MIOX: variants seen among roughly 807,000 people sequenced by gnomAD.
MIOX encodes the protein myo-inositol oxygenase, also known as inositol oxygenase.
Under a neutral mutation model 42.7 loss-of-function variants are expected in MIOX, and 51 were observed. The observed-to-expected ratio is 1.19, with a 90% CI of 0.95 to 1.51. MIOX has a LOEUF of 1.51. Ranked by LOEUF, MIOX falls within the 40% of genes most tolerant of loss-of-function variation. The pLI, the probability that MIOX is intolerant of heterozygous loss-of-function variation, is 0.00. For missense variants in MIOX, 395 were observed against 381.3 expected, an observed-to-expected ratio of 1.04 and a Z score of -0.30; for synonymous variants, 168 against 154.4, an observed-to-expected ratio of 1.09 and a Z score of -0.65.
Position 50,489,840 on chromosome 22 carries a change from G to C in MIOX, c.842G>C (p.Gly281Ala). ...YQGLIDKYCP[G>A]ILSW ...GGGCTCATTGACAAGTACTGCCCTG[G>C]CATCCTGAGCTGGTGACCCTCCTGC... is the stretch of plus-strand genomic sequence containing the variant. The change falls in exon 10 of 10, where the codon GGC (glycine) becomes GCC (alanine). Residue 281 changes from glycine (G) to alanine (A), a missense_variant. Coordinates refer to ENST00000216075, the MANE Select transcript of MIOX (RefSeq NM_017584.6). 3 of 1,610,430 alleles carry C rather than the reference G, an allele frequency of 1.9e-6. No homozygotes were observed. Among genetic ancestry groups the C allele is most frequent in the Non-Finnish European group, 2.5e-6 (3 of 1,179,858 alleles).
At position 50,489,928 on chromosome 22, in the gene MIOX, G is replaced by A; in HGVS notation, c.*72G>A. 3 of 1,425,248 alleles carry A rather than the reference G, an allele frequency of 2.1e-6. No homozygotes were observed. Among genetic ancestry groups the A allele is most frequent in the Non-Finnish European group, 2.9e-6 (3 of 1,023,932 alleles). 88.3% of individuals were successfully genotyped at this position (1,425,248 alleles called of 1,614,324 possible). A position where few individuals can be genotyped will look rare whatever the true frequency, so the allele number is the denominator to read the frequency against. On this transcript the variant is annotated 3_prime_UTR_variant, in exon 10 of 10. Coordinates refer to ENST00000216075, the MANE Select transcript of MIOX (RefSeq NM_017584.6). ...CCTGCCTGGAGAGGCCTGGCCCTGG[G>A]CAAACAGCCGCCATCAGGGTTCACC...
In MIOX at chr22:50,487,389, C is replaced by G. The variant is rs1261570952; in HGVS notation, c.20C>G (p.Pro7Arg). 1.2e-6 allele frequency: 2 copies of G among 1,613,090 alleles called. No homozygotes were observed. The highest frequency in any genetic ancestry group is 2.7e-5 in the African/African-American group (2 of 74,888). Reference sequence around the variant, plus strand: ...TTCAATCCTCCACCTACCCAGGGCCCAGACCCTTCCCTGGTCTACCGACCT... The same window carrying G: ...TTCAATCCTCCACCTACCCAGGGCCGAGACCCTTCCCTGGTCTACCGACCT... MKVTVGPDPSLVYRPDV... is the reference protein window; with the variant it reads MKVTVGRDPSLVYRPDV... The change falls in exon 2 of 10, where the codon CCA becomes CGA. Residue 7 changes from proline to arginine, a missense_variant. Physicochemically the swap from Pro to Arg is moderately radical, Grantham distance 103. Coordinates refer to ENST00000216075, the MANE Select transcript of MIOX (RefSeq NM_017584.6).
Position 50,488,358 on chromosome 22 carries a change from G to A in MIOX, c.408+16G>A. ...GGAGCCCCAGGTAAGAGTTGGAAGT[G>A]GAGGGTGAGGAGGCTGCATGTTGAG... On this transcript the variant is annotated intron_variant, in intron 5 of 9. Transcript: ENST00000216075. The A allele has an allele frequency of 6.4e-7, 1 of 1,573,602 alleles. No individual in the cohort carries two copies. Among genetic ancestry groups the A allele is most frequent in the Non-Finnish European group, 8.6e-7 (1 of 1,156,880 alleles).
At chr22:50,488,748 G>GCCTGTC (rs2068311598) in intron 5 of MIOX, among the ~76,000 whole-genome samples, 1 of 71,804 alleles carries the variant, frequency 1.4e-5, no homozygotes, top group African/African-American at 5.8e-5. Flanking sequence ...CCCCATGGCT[G>GCCTGTC]CCTGTCCCTC....
In MIOX at chr22:50,489,733, C is replaced by G; in HGVS notation, c.750-15C>G. 5.6e-6 allele frequency: 9 copies of G among 1,611,082 alleles called. No individual in the cohort carries two copies. Among genetic ancestry groups the G allele is most frequent in the Non-Finnish European group, 7.6e-6 (9 of 1,179,706 alleles). ...GGGGGTTCTTCACGGGGCTCACCGC[C>G]CCTCCCTGCTGCAGCAAGTTCGACC... On this transcript the variant is annotated splice_polypyrimidine_tract_variant and intron_variant, in intron 9 of 9. Transcript: ENST00000216075.
intron 4 of MIOX, 76 bp downstream of exon 4, chr22:50,488,124 G>T: frequency 6.3e-7 from 1 of 1,597,600 alleles, no homozygotes; most frequent in East Asian, 2.3e-5. Flanking sequence ...AGGGTGGGAG[G>T]GGACAGTAGT....
Position 50,488,340 on chromosome 22 carries a change from C to G in MIOX, c.406C>G (p.Gln136Glu). 1 of 1,598,656 alleles carries G rather than the reference C, an allele frequency of 6.3e-7. No homozygotes were observed. Among genetic ancestry groups the G allele is most frequent in the Middle Eastern group, 1.7e-4 (1 of 5,972 alleles). Residue 136 changes from glutamine to glutamate, a missense_variant and splice_region_variant, in exon 5 of 10, where the codon CAG (glutamine) becomes GAG (glutamate). Transcript: ENST00000216075. The stretch of plus-strand genomic sequence containing the variant: ...GGTCCTGGCCCTGTTCGGGGAGCCC[C>G]AGGTAAGAGTTGGAAGTGGAGGGTG... ...GKVLALFGEP[Q>E]WAVVGDTFPV...
chr22:50,487,125 G>A (rs531456173), intron 1 of MIOX, among the ~76,000 whole-genome samples: 3 of 152,338 alleles, frequency 2.0e-5, no homozygotes, highest in African/African-American at 4.8e-5. Context: ...CCGCTCAGGC[G>A]TGGTGTCCCC....
intron 2 of MIOX, 79 bp from the exon 3 acceptor site, chr22:50,487,583 G>A (rs1406738839): frequency 6.4e-7 from 1 of 1,553,746 alleles, no homozygotes; most frequent in African/African-American, 1.4e-5. Flanking sequence ...ATCACACCCT[G>A]TGGGGCTGCC....
chr22:50,488,113 T>C (rs1053654842), intron 4 of MIOX, 65 bp downstream of exon 4: 2 of 1,604,100 alleles, frequency 1.2e-6, no homozygotes, highest in African/African-American at 2.7e-5. Flanking sequence ...CAGCAGCCTG[T>C]AGGGTGGGAG....
At chr22:50,488,706 C>T (rs117010926) in intron 5 of MIOX, among the ~76,000 whole-genome samples, 5,087 of 113,794 alleles carry the variant, frequency 0.045, 69 homozygotes, top group African/African-American at 0.052. Flanking sequence ...GGGCGGTCGT[C>T]GGCGACACCT....
intron 2 of MIOX, 74 bp from the exon 3 acceptor site, chr22:50,487,588 G>T: frequency 6.4e-7 from 1 of 1,560,134 alleles, no homozygotes; most frequent in Non-Finnish European, 8.8e-7. Flanking sequence ...ACCCTGTGGG[G>T]CTGCCTGGGA....
chr22:50,490,039 T>C lies in MIOX; in HGVS notation c.*183T>C. 1.6e-6 allele frequency: 1 copy of C among 612,670 alleles called. No individual in the cohort carries two copies. The highest frequency in any genetic ancestry group is 2.8e-5 in the East Asian group (1 of 36,210). The allele number at this position is 612,670 out of a possible 1,614,324, so 38.0% of individuals were successfully genotyped here. A position where few individuals can be genotyped will look rare whatever the true frequency, so the allele number is the denominator to read the frequency against. On this transcript the variant is annotated 3_prime_UTR_variant, in exon 10 of 10. Transcript: ENST00000216075. Reference sequence around the variant, plus strand: ...GCGTCAATAAAGACCTGGAAGGATGTTGTGCTTCTGAAGCCCCACTGGGTG... The same window carrying C: ...GCGTCAATAAAGACCTGGAAGGATGCTGTGCTTCTGAAGCCCCACTGGGTG...
intron 1 of MIOX, 92 bp downstream of exon 1, chr22:50,487,004 C>A: frequency 8.4e-7 from 1 of 1,194,770 alleles, no homozygotes; most frequent in Non-Finnish European, 1.1e-6. Flanking sequence ...ACTGGCCAGC[C>A]CTCCTCCTCC....
rs1569516568 is a variant in MIOX at position 50,489,031 on chromosome 22, C to CCTCCTGTCG, written c.409-6_409-5insCTGTCGCTC. On this transcript the variant is annotated splice_polypyrimidine_tract_variant and intron_variant, in intron 5 of 9. Coordinates refer to ENST00000216075, the MANE Select transcript of MIOX (RefSeq NM_017584.6). Reference sequence around the variant, plus strand: ...CCCATGGCCTCCCGTCCCTCCTGTCCCTCTGCAGTGGGCTGTCGTCGGCGA... The same window carrying CCTCCTGTCG: ...CCCATGGCCTCCCGTCCCTCCTGTCCCTCCTGTCGCTCTGCAGTGGGCTGTCGTCGGCGA... The CCTCCTGTCG allele has an allele frequency of 6.2e-7, 1 of 1,601,526 alleles. No individual in the cohort carries two copies. The highest frequency in any genetic ancestry group is 1.7e-5 in the Admixed American group (1 of 59,770).
chr22:50,489,674 G>C (rs1393622827), intron 9 of MIOX, 30 bp downstream of exon 9: 4 of 1,601,282 alleles, frequency 2.5e-6, no homozygotes, highest in Non-Finnish European at 3.4e-6. Context: ...GAGGGGTGTT[G>C]TGGGAGTGAA....
In MIOX at chr22:50,489,233, A is replaced by G. The variant is rs1197198782; in HGVS notation, c.524A>G (p.Glu175Gly). The change falls in exon 7 of 10, where the codon GAG becomes GGG. Residue 175 changes from glutamate to glycine, a missense_variant. Transcript: ENST00000216075. ...ACCCTGGTATCTCACTGCAGCACAG[A>G]GCTCGGGATGTATCAGCCCCACTGT... ...PDLQDPRYST[E>G]LGMYQPHCGL... 3.1e-6 allele frequency: 5 copies of G among 1,608,298 alleles called. No homozygotes were observed. The highest frequency in any genetic ancestry group is 1.3e-5 in the African/African-American group (1 of 74,504).
At position 50,489,564 on chromosome 22, in the gene MIOX, C is replaced by A; in HGVS notation, c.669C>A (p.Tyr223Ter). Residue 223 changes from tyrosine to a stop codon, truncating the protein, a stop_gained, in exon 9 of 10, where the codon TAC becomes TAA. Transcript: ENST00000216075. LOFTEE classifies it high-confidence loss of function. ...AFYMIRFHSF[Y>*]PWHTGRDYQQ... ...ACATGATCCGGTTCCACTCCTTCTACCCCTGGCACACGGGCCGCGACTACC... is the reference window on the plus strand; with the variant it reads ...ACATGATCCGGTTCCACTCCTTCTAACCCTGGCACACGGGCCGCGACTACC... 1.2e-6 allele frequency: 2 copies of A among 1,612,732 alleles called. No individual in the cohort carries two copies. Among genetic ancestry groups the A allele is most frequent in the Non-Finnish European group, 8.5e-7 (1 of 1,179,878 alleles).
chr22:50,488,100 A>T, intron 4 of MIOX, 52 bp downstream of exon 4: 1 of 1,609,012 alleles, frequency 6.2e-7, no homozygotes, highest in Non-Finnish European at 8.5e-7. Context: ...AAGGGGCAGA[A>T]TGCAGCAGCC....
Sources: gnomAD v4.1 joint callset for allele counts (sites outside exome capture counted in the v4.1 genomes callset) on GRCh38, gnomAD v4.1.1 for gene constraint, MANE v1.5 for transcripts, NCBI Gene and HGNC (gene_info 2026-07-23, HGNC 2026-07-21) for gene names.